The following SHISA9 variants were observed in gnomAD, a reference collection of about 807,000 sequenced individuals.
The protein encoded by SHISA9 is shisa family member 9, also known as protein shisa-9.
Under a neutral mutation model 38.0 loss-of-function variants are expected in SHISA9, and 13 were observed. The observed-to-expected ratio is 0.34, with a 90% confidence interval of 0.22 to 0.54. SHISA9 has a LOEUF of 0.54. SHISA9 is among the 20% of genes least tolerant of loss of function. The pLI is 0.91. For synonymous variants in SHISA9, 275 were observed against 242.0 expected (o/e 1.14, Z -1.27); for missense variants, 538 against 575.8 (o/e 0.93, Z 0.67).
chr16:13,265,319 T>A, the SHISA9 span, among the ~76,000 whole-genome samples: 84 of 93,340 alleles, frequency 9.0e-4, 1 homozygote, highest in African/African-American at 3.5e-3. Flanking sequence ...GCCCTCCTCT[T>A]CCATCTCTTT....
chr16:12,974,190 T>C (rs1234555848), intron 2 of SHISA9, among the ~76,000 whole-genome samples: 2 of 152,124 alleles, frequency 1.3e-5, no homozygotes, highest in Admixed American at 6.5e-5. Context: ...TATTCACTGC[T>C]CATGACTCAA....
At chr16:13,317,182 G>A in the SHISA9 span, among the ~76,000 whole-genome samples, 1 of 152,176 alleles carries the variant, frequency 6.6e-6, no homozygotes, top group African/African-American at 2.4e-5. Context: ...GAGAAAAAGG[G>A]CAGCTTGCAG....
intron 2 of SHISA9, among the ~76,000 whole-genome samples, chr16:13,165,691 C>T (rs1469123326): frequency 6.6e-6 from 1 of 152,210 alleles, no homozygotes; most frequent in Non-Finnish European, 1.5e-5. Context: ...GTTCCACACA[C>T]TCCAGCCTTT....
intron 2 of SHISA9, among the ~76,000 whole-genome samples, chr16:13,013,312 C>T (rs2072701212): frequency 6.6e-6 from 1 of 152,206 alleles, no homozygotes; most frequent in East Asian, 1.9e-4. Context: ...GGCCCAGAGT[C>T]AAGGACGCCT....
chr16:13,523,331 C>T, the SHISA9 span, among the ~76,000 whole-genome samples: 1 of 152,130 alleles, frequency 6.6e-6, no homozygotes. Flanking sequence ...GCCTGGGCAA[C>T]ACAGCAAGAC....
At chr16:13,078,580 A>T (rs944447441) in intron 2 of SHISA9, among the ~76,000 whole-genome samples, 1 of 151,816 alleles carries the variant, frequency 6.6e-6, no homozygotes, top group Admixed American at 6.6e-5. Flanking sequence ...TAATTTTTGT[A>T]TTTTTAGTAG....
chr16:13,369,389 G>T, the SHISA9 span, among the ~76,000 whole-genome samples: 1 of 152,114 alleles, frequency 6.6e-6, no homozygotes, highest in African/African-American at 2.4e-5. Flanking sequence ...TTTATTAAAT[G>T]AATCTATATT....
At chr16:13,357,501 A>T in the SHISA9 span, among the ~76,000 whole-genome samples, 3 of 152,172 alleles carry the variant, frequency 2.0e-5, no homozygotes, top group African/African-American at 7.2e-5. Context: ...GATCTTTGTC[A>T]CGGAGCAAAG....
chr16:13,016,575 T>C, intron 2 of SHISA9, among the ~76,000 whole-genome samples: 1 of 152,186 alleles, frequency 6.6e-6, no homozygotes. Context: ...TTGTTGTTGT[T>C]GTTGTTGTTG....
chr16:13,129,212 G>T (rs1596668418), intron 2 of SHISA9, among the ~76,000 whole-genome samples: 1 of 152,164 alleles, frequency 6.6e-6, no homozygotes, highest in Admixed American at 6.5e-5. Context: ...AGAAAATTTT[G>T]TGGATTAATT....
At chr16:12,978,386 G>A (rs982065987) in intron 2 of SHISA9, among the ~76,000 whole-genome samples, 1 of 152,198 alleles carries the variant, frequency 6.6e-6, no homozygotes, top group Non-Finnish European at 1.5e-5. Flanking sequence ...CGTAACCCAA[G>A]GAGTAGATGT....
chr16:13,015,323 T>G (rs182683559), intron 2 of SHISA9, among the ~76,000 whole-genome samples: 1 of 152,370 alleles, frequency 6.6e-6, no homozygotes, highest in Admixed American at 6.5e-5. Context: ...TTTACTGACC[T>G]CTGCTTTAGC....
chr16:13,435,814 G>A, the SHISA9 span, among the ~76,000 whole-genome samples: 17 of 152,298 alleles, frequency 1.1e-4, no homozygotes, highest in South Asian at 3.3e-3. Context: ...GGTACTTCTG[G>A]GATAGGAAGC....
At chr16:12,993,685 A>G (rs1025038480) in intron 2 of SHISA9, among the ~76,000 whole-genome samples, 1 of 152,174 alleles carries the variant, frequency 6.6e-6, no homozygotes, top group Non-Finnish European at 1.5e-5. Flanking sequence ...TCAAGCTGAT[A>G]TTGTAAGTAC....
At chr16:13,111,115 A>G (rs553489035) in intron 2 of SHISA9, among the ~76,000 whole-genome samples, 2 of 152,350 alleles carry the variant, frequency 1.3e-5, no homozygotes, top group African/African-American at 2.4e-5. Flanking sequence ...AGGCAATACC[A>G]TTCAGGACAT....
intron 2 of SHISA9, among the ~76,000 whole-genome samples, chr16:13,030,692 C>G (rs2072980308): frequency 6.6e-6 from 1 of 152,178 alleles, no homozygotes; most frequent in Admixed American, 6.5e-5. Flanking sequence ...ACAGTTACCT[C>G]TTGTAGACCA....
At chr16:13,134,649 T>G (rs2050332974) in intron 2 of SHISA9, among the ~76,000 whole-genome samples, 1 of 152,130 alleles carries the variant, frequency 6.6e-6, no homozygotes, top group Admixed American at 6.5e-5. Context: ...GGGCAGGGGC[T>G]GAATCATGTA....
chr16:13,344,806 C>T, the SHISA9 span, among the ~76,000 whole-genome samples: 1 of 152,112 alleles, frequency 6.6e-6, no homozygotes, highest in African/African-American at 2.4e-5. Context: ...CAAGTCTGAG[C>T]CCAAGAAGCA....
chr16:13,313,939 G>GT, the SHISA9 span, among the ~76,000 whole-genome samples: 2 of 152,094 alleles, frequency 1.3e-5, no homozygotes, highest in South Asian at 4.1e-4. Flanking sequence ...TAGCTCTTTG[G>GT]TTCAGTTTTC....
Sources: gnomAD v4.1 joint callset for allele counts (sites outside exome capture counted in the v4.1 genomes callset) on GRCh38, gnomAD v4.1.1 for gene constraint, MANE v1.5 for transcripts, NCBI Gene and HGNC (gene_info 2026-07-23, HGNC 2026-07-21) for gene names.